Variants in SYT14 observed in about 807,000 individuals in gnomAD.
SYT14 encodes synaptotagmin 14, also known as synaptotagmin-14.
In SYT14, 32 loss-of-function variants were observed where a neutral mutation model predicts 74.2. The observed-to-expected ratio is 0.43, with a 90% confidence interval of 0.33 to 0.58. The LOEUF is 0.58. SYT14 is among the 20% of genes least tolerant of loss of function. SYT14 has a pLI of 0.05. For synonymous variants in SYT14, 298 were observed against 337.7 expected, an observed-to-expected ratio of 0.88 and a Z score of 1.29; for missense variants, 791 against 981.8, an observed-to-expected ratio of 0.81 and a Z score of 2.60.
intron 7 of SYT14, among the ~76,000 whole-genome samples, chr1:210,114,246 C>A (rs1173348888): frequency 6.6e-6 from 1 of 151,310 alleles, no homozygotes; most frequent in Non-Finnish European, 1.5e-5. Flanking sequence ...CATTCCTTGG[C>A]CCAGTGGCCA....
chr1:210,155,969 A>T, intron 8 of SYT14, 59 bp downstream of exon 7: 1 of 1,454,142 alleles, frequency 6.9e-7, no homozygotes, highest in Non-Finnish European at 9.6e-7. Context: ...GACTCTCAGT[A>T]TTAGGGAGTT....
At chr1:210,036,212 G>A (rs546977812) in intron 5 of SYT14, among the ~76,000 whole-genome samples, 9 of 151,824 alleles carry the variant, frequency 5.9e-5, no homozygotes, top group South Asian at 4.1e-4. Flanking sequence ...TGGAATTGCC[G>A]TCCTGATTTG....
intron 5 of SYT14, among the ~76,000 whole-genome samples, chr1:210,042,782 T>A (rs2080816917): frequency 6.6e-6 from 1 of 152,196 alleles, no homozygotes; most frequent in Admixed American, 6.5e-5. Context: ...TGAAGTCAGG[T>A]AGCATGATGC....
chr1:210,091,199 G>A (rs1558182900), intron 5 of SYT14, among the ~76,000 whole-genome samples: 1 of 152,082 alleles, frequency 6.6e-6, no homozygotes, highest in Non-Finnish European at 1.5e-5. Flanking sequence ...CAGATGCCTG[G>A]AGCTCAGCTG....
chr1:210,023,554 G>A (rs1190344898), intron 5 of SYT14, among the ~76,000 whole-genome samples: 8 of 152,090 alleles, frequency 5.3e-5, no homozygotes, highest in Non-Finnish European at 1.2e-4. Context: ...ATATTGGCCA[G>A]GCTGGTCTCG....
At chr1:210,090,472 G>A (rs762366224) in intron 5 of SYT14, among the ~76,000 whole-genome samples, 10 of 151,790 alleles carry the variant, frequency 6.6e-5, no homozygotes, top group African/African-American at 9.7e-5. Flanking sequence ...GTCATATTCC[G>A]TGTGTGCACA....
chr1:210,116,779 CAT>C (rs1471801216), intron 7 of SYT14, among the ~76,000 whole-genome samples: 1 of 152,076 alleles, frequency 6.6e-6, no homozygotes, highest in Non-Finnish European at 1.5e-5. Context: ...TATTCATCAA[CAT>C]ATGGTATTTT....
intron 5 of SYT14, among the ~76,000 whole-genome samples, chr1:210,085,374 C>G (rs1385553636): frequency 2.0e-5 from 3 of 152,074 alleles, no homozygotes; most frequent in Admixed American, 6.5e-5. Context: ...TCTTTTTCTC[C>G]CCTTATTGCC....
In SYT14 at chr1:209,949,621, T is replaced by C. The variant is rs1217926957; in HGVS notation, c.-533-3088T>C. ...TCAGTTTCCAATAATGTAATAAATT[T>C]ATATGACTTTTTAATATTTCTTCTT... On this transcript the variant is annotated intron_variant, in intron 1 of 9. Transcript: ENST00000637265. 3.3e-5 allele frequency among the ~76,000 whole-genome samples: 5 copies of C among 152,242 alleles called. No individual in the cohort carries two copies. The East Asian group carries it at 9.6e-4, about 29-fold the overall frequency.
At chr1:210,099,832 C>A (rs1439390920) in intron 6 of SYT14, among the ~76,000 whole-genome samples, 180 bp from the exon 6 acceptor site, 1 of 152,138 alleles carries the variant, frequency 6.6e-6, no homozygotes, top group Non-Finnish European at 1.5e-5. Flanking sequence ...AACTTACTGC[C>A]TGTACTAATC....
intron 7 of SYT14, among the ~76,000 whole-genome samples, chr1:210,114,098 G>A (rs1390741294): frequency 6.6e-6 from 1 of 151,456 alleles, no homozygotes; most frequent in African/African-American, 2.5e-5. Flanking sequence ...GAGAAGATCT[G>A]GGAAGGAGTC....
At chr1:210,031,648 A>G (rs891864767) in intron 5 of SYT14, among the ~76,000 whole-genome samples, 2 of 152,102 alleles carry the variant, frequency 1.3e-5, no homozygotes, top group African/African-American at 4.8e-5. Context: ...GTGTGTTTTA[A>G]TGAATTGGTT....
At chr1:210,107,377 A>C (rs1280300817) in intron 7 of SYT14, among the ~76,000 whole-genome samples, 1 of 152,248 alleles carries the variant, frequency 6.6e-6, no homozygotes, top group African/African-American at 2.4e-5. Flanking sequence ...AGAAACAGCC[A>C]AACCATATCA....
At chr1:210,059,454 AG>A (rs1210197477) in intron 5 of SYT14, among the ~76,000 whole-genome samples, 1 of 118,220 alleles carries the variant, frequency 8.5e-6, no homozygotes, top group East Asian at 2.2e-4. Flanking sequence ...ATATATATAG[AG>A]AGAGAGAGAG....
At chr1:209,980,028 A>G (rs903135893) in intron 2 of SYT14, among the ~76,000 whole-genome samples, 1 of 152,222 alleles carries the variant, frequency 6.6e-6, no homozygotes, top group Admixed American at 6.5e-5. Flanking sequence ...TTGAAGAATC[A>G]CCATATTGTC....
Position 209,985,953 on chromosome 1 carries a change from C to A in SYT14, c.-485-27680C>A, listed in dbSNP as rs559930761. ...CAAGGCTGTGCAGGGCAGCAGGACC[C>A]TAGGCCTGGCCCACAAAACCATTCA... On this transcript the variant is annotated intron_variant, in intron 2 of 9. Transcript: ENST00000637265. 2.6e-5 allele frequency among the ~76,000 whole-genome samples: 4 copies of A among 152,264 alleles called. 1 individual carries two copies. In the South Asian group the frequency reaches 8.3e-4, roughly 32 times the overall value.
chr1:209,952,635 A>G, intron 1 of SYT14, 74 bp from the exon 2 acceptor site: 1 of 1,338,340 alleles, frequency 7.5e-7, no homozygotes, highest in South Asian at 1.2e-5. Context: ...GTGCTAATTT[A>G]AAATGATTCT....
intron 5 of SYT14, among the ~76,000 whole-genome samples, chr1:210,085,647 G>T (rs2081712545): frequency 6.6e-6 from 1 of 152,016 alleles, no homozygotes; most frequent in African/African-American, 2.4e-5. Context: ...TTTTATATTT[G>T]TTCTTTCAGT....
intron 2 of SYT14, among the ~76,000 whole-genome samples, chr1:209,976,398 G>GT (rs756363460): frequency 2.4e-4 from 37 of 151,146 alleles, no homozygotes; most frequent in Non-Finnish European, 8.8e-5. Flanking sequence ...ATTCTGGTAT[G>GT]TTGTGTCTTT....
Sources: gnomAD v4.1 joint callset for allele counts (sites outside exome capture counted in the v4.1 genomes callset) on GRCh38, gnomAD v4.1.1 for gene constraint, MANE v1.5 for transcripts, NCBI Gene and HGNC (gene_info 2026-07-23, HGNC 2026-07-21) for gene names.